Variants in DLGAP2 observed in about 807,000 individuals in gnomAD.
The protein encoded by DLGAP2 is disks large-associated protein 2.
Under a neutral mutation model 100.3 loss-of-function variants are expected in DLGAP2, and 26 were observed. The ratio of observed to expected loss-of-function variants is 0.26; its 90% CI spans 0.19 to 0.36. The LOEUF (loss-of-function observed/expected upper bound fraction) is 0.36, where lower values mean the gene tolerates loss of function less well. DLGAP2 is among the 10% of genes least tolerant of loss of function. The pLI, the probability that DLGAP2 is intolerant of heterozygous loss-of-function variation, is 1.00. For synonymous variants in DLGAP2, 886 were observed against 630.1 expected (o/e 1.41, Z -6.08); for missense variants, 1,858 against 1,453.2 (o/e 1.28, Z -4.53).
At chr8:1,019,009 C>G (rs545769276) in intron 2 of DLGAP2, 3 of 152,134 alleles carry the variant, frequency 2.0e-5, no homozygotes, top group African/African-American at 7.2e-5. Flanking sequence ...CGTCTGACAC[C>G]GTGGGGCCAT....
intron 2 of DLGAP2, among the ~76,000 whole-genome samples, chr8:922,925 C>A (rs1447888169): frequency 6.6e-6 from 1 of 152,100 alleles, no homozygotes; most frequent in Non-Finnish European, 1.5e-5. Context: ...GAAATGAGAC[C>A]AGGAGTTTTG....
At chr8:1,348,584 C>T (rs905674865) in intron 3 of DLGAP2, among the ~76,000 whole-genome samples, 5 of 151,226 alleles carry the variant, frequency 3.3e-5, no homozygotes, top group African/African-American at 1.2e-4. Context: ...GGTTGAGTTC[C>T]CATTAACATC....
At chr8:1,206,139 G>A (rs979719025) in intron 2 of DLGAP2, among the ~76,000 whole-genome samples, 1 of 152,206 alleles carries the variant, frequency 6.6e-6, no homozygotes, top group Non-Finnish European at 1.5e-5. Flanking sequence ...CTGCTCGGTG[G>A]ATCACAAAGG....
chr8:1,532,981 C>G (rs1275890762), intron 4 of DLGAP2, among the ~76,000 whole-genome samples: 1 of 152,110 alleles, frequency 6.6e-6, no homozygotes, highest in Non-Finnish European at 1.5e-5. Context: ...GATGCATTCA[C>G]CTGCACTTCT....
intron 3 of DLGAP2, among the ~76,000 whole-genome samples, chr8:1,292,149 G>A (rs563040990): frequency 6.6e-6 from 1 of 152,232 alleles, no homozygotes; most frequent in Admixed American, 6.5e-5. Flanking sequence ...ACACCCTCCA[G>A]AATCGCTGGC....
rs982778424 is a variant in DLGAP2, at chr8:949,986, C to A, written c.73+42020C>A. On this transcript the variant is annotated intron_variant, in intron 2 of 14. Coordinates refer to ENST00000637795, the MANE Select transcript of DLGAP2 (RefSeq NM_001346810.2). ...TTTAGTACATTTTCAAAGCGAGGCA[C>A]ACACACAAAGAGACACTCGGACAAA... 4.6e-5 allele frequency among the ~76,000 whole-genome samples: 7 copies of A among 152,194 alleles called. No homozygotes were observed. The South Asian group carries it at 1.2e-3, about 27-fold the overall frequency.
intron 12 of DLGAP2, among the ~76,000 whole-genome samples, chr8:1,683,816 T>G (rs1269654507): frequency 8.3e-6 from 1 of 119,886 alleles, no homozygotes; most frequent in African/African-American, 3.4e-5. Flanking sequence ...GATCCTGATT[T>G]TCCTTGTCTT....
At chr8:1,287,769 G>A (rs1157485052) in intron 3 of DLGAP2, among the ~76,000 whole-genome samples, 1 of 50,012 alleles carries the variant, frequency 2.0e-5, no homozygotes, top group African/African-American at 1.0e-4. Flanking sequence ...CAGCGTGTGT[G>A]TGTGTGTGTG....
At chr8:1,423,015 A>C (rs1797141804) in intron 3 of DLGAP2, among the ~76,000 whole-genome samples, 1 of 152,160 alleles carries the variant, frequency 6.6e-6, no homozygotes, top group African/African-American at 2.4e-5. Flanking sequence ...TCTTGAGCAC[A>C]TCAGGATACA....
At chr8:1,486,935 G>T (rs2130266253) in intron 3 of DLGAP2, among the ~76,000 whole-genome samples, 1 of 152,312 alleles carries the variant, frequency 6.6e-6, no homozygotes, top group East Asian at 1.9e-4. Flanking sequence ...AACCCAGGGA[G>T]ACCAGCCACG....
chr8:1,306,948 A>C (rs1563073836), intron 3 of DLGAP2, among the ~76,000 whole-genome samples: 2 of 152,184 alleles, frequency 1.3e-5, no homozygotes, highest in South Asian at 4.1e-4. Flanking sequence ...TCTCAGAAGA[A>C]AACAGAGAGG....
chr8:996,065 C>T (rs528725984), intron 2 of DLGAP2, among the ~76,000 whole-genome samples: 1 of 152,162 alleles, frequency 6.6e-6, no homozygotes, highest in Non-Finnish European at 1.5e-5. Context: ...CAGGAGAAAT[C>T]CAACCACAAC....
intron 6 of DLGAP2, among the ~76,000 whole-genome samples, chr8:1,623,596 C>T (rs560413949): frequency 6.6e-6 from 1 of 151,468 alleles, no homozygotes; most frequent in Non-Finnish European, 1.5e-5. Flanking sequence ...TGTGTGATGA[C>T]CTGGCACCAG....
At chr8:751,297 A>C (rs1257080243) in intron 1 of DLGAP2, among the ~76,000 whole-genome samples, 1 of 147,192 alleles carries the variant, frequency 6.8e-6, no homozygotes, top group Non-Finnish European at 1.5e-5. Context: ...ATTTTCCTGG[A>C]TCTCCGGCCA....
At position 1,632,897 on chromosome 8, in the gene DLGAP2, A is replaced by G. The variant is rs756778396; in HGVS notation, c.1661A>G (p.Gln554Arg). Residue 554 changes from glutamine to arginine, a missense_variant, in exon 8 of 15, where the codon CAG becomes CGG. Gln to Arg is a conservative substitution (Grantham distance 43). Coordinates refer to ENST00000637795, the MANE Select transcript of DLGAP2 (RefSeq NM_001346810.2). ...TCCGTCTTCAGTGAAGTTGAATCTCAGGCCATGGATGCCCTCGACCTCCCG... is the reference window on the plus strand; with the variant it reads ...TCCGTCTTCAGTGAAGTTGAATCTCGGGCCATGGATGCCCTCGACCTCCCG... Reference protein sequence around the residue: ...CESVFSEVESQAMDALDLPGC... With the variant: ...CESVFSEVESRAMDALDLPGC... The G allele has an allele frequency of 6.2e-7, 1 of 1,613,944 alleles. No individual in the cohort carries two copies. Among genetic ancestry groups the G allele is most frequent in the Non-Finnish European group, 8.5e-7 (1 of 1,179,874 alleles).
intron 1 of DLGAP2, among the ~76,000 whole-genome samples, chr8:834,481 G>C (rs185225377): frequency 7.9e-5 from 12 of 152,346 alleles, no homozygotes; most frequent in Non-Finnish European, 1.3e-4. Flanking sequence ...TTGATAAACA[G>C]AATTAGTGCT....
In DLGAP2 at chr8:1,565,710, C is replaced by T. The variant is rs775916633; in HGVS notation, c.1258C>T (p.Pro420Ser). The T allele has an allele frequency of 5.5e-5, 89 of 1,612,870 alleles. No individual in the cohort carries two copies. Among genetic ancestry groups the T allele is most frequent in the Non-Finnish European group, 3.9e-5 (46 of 1,179,534 alleles). ...QVPQDEWGGY[P>S]TGGKDEEIPC... ...ACCTCAGGATGAGTGGGGAGGGTAC[C>T]CCACCGGTGGCAAAGATGAGGAGAT... Residue 420 changes from proline to serine, a missense_variant, in exon 6 of 15, where the codon CCC becomes TCC. Transcript: ENST00000637795.
In DLGAP2 at chr8:1,669,122, G is replaced by A. The variant is rs1798623523; in HGVS notation, c.2160+444G>A. Among the ~76,000 whole-genome samples, 3 of 152,320 alleles carry A rather than the reference G, an allele frequency of 2.0e-5. No homozygotes were observed. In the South Asian group the frequency reaches 6.2e-4, roughly 32 times the overall value. On this transcript the variant is annotated intron_variant, in intron 9 of 14. Transcript: ENST00000637795. ...GAAACCAAAAGGTGCTGGGAATGAAGAGGTAAAAGGAAGGGCATGCTCTCC... is the reference window on the plus strand; with the variant it reads ...GAAACCAAAAGGTGCTGGGAATGAAAAGGTAAAAGGAAGGGCATGCTCTCC...
chr8:754,419 T>C (rs1305355922), intron 1 of DLGAP2, among the ~76,000 whole-genome samples: 1 of 152,246 alleles, frequency 6.6e-6, no homozygotes, highest in Non-Finnish European at 1.5e-5. Flanking sequence ...ATGTTTTACC[T>C]GCCTTCCTCT....
Sources: gnomAD v4.1 joint callset for allele counts (sites outside exome capture counted in the v4.1 genomes callset) on GRCh38, gnomAD v4.1.1 for gene constraint, MANE v1.5 for transcripts, NCBI Gene and HGNC (gene_info 2026-07-23, HGNC 2026-07-21) for gene names.